COPG2: variants seen among roughly 807,000 people sequenced by gnomAD.
COPG2 encodes coatomer subunit gamma-2.
In COPG2, 37 loss-of-function variants were observed where a neutral mutation model predicts 46.3. The observed-to-expected ratio is 0.80, with a 90% CI of 0.61 to 1.05. COPG2 has a LOEUF of 1.05. Among genes scored for constraint, COPG2 ranks in the 50% least tolerant of loss-of-function variants. COPG2 has a pLI of 0.00. For missense variants in COPG2, 427 were observed against 387.8 expected (o/e 1.10, Z -0.85); for synonymous variants, 159 against 129.7 (o/e 1.23, Z -1.53).
At chr7:130,538,486 C>T (rs1259200544) in intron 20 of COPG2, among the ~76,000 whole-genome samples, 1 of 152,050 alleles carries the variant, frequency 6.6e-6, no homozygotes, top group Non-Finnish European at 1.5e-5. Context: ...TGGTATCATG[C>T]TTCTTATCAA....
intron 9 of COPG2, among the ~76,000 whole-genome samples, chr7:130,603,317 T>C (rs1231274346): frequency 6.6e-6 from 1 of 152,228 alleles, no homozygotes; most frequent in East Asian, 1.9e-4. Context: ...ATTTATGTGA[T>C]TGTATTTAAC....
intron 4 of COPG2, among the ~76,000 whole-genome samples, chr7:130,659,085 G>A (rs1795916733): frequency 6.6e-6 from 1 of 152,062 alleles, no homozygotes. Flanking sequence ...GCCGGGCGCG[G>A]TAGCTTACGC....
intron 9 of COPG2, among the ~76,000 whole-genome samples, chr7:130,608,855 AT>A (rs1794785583): frequency 6.6e-6 from 1 of 151,148 alleles, no homozygotes; most frequent in Non-Finnish European, 1.5e-5. Context: ...GCCATCTTGG[AT>A]TCATTTTGGG....
intron 5 of COPG2, among the ~76,000 whole-genome samples, chr7:130,621,717 G>A (rs141844541): frequency 8.1e-4 from 123 of 151,982 alleles, no homozygotes; most frequent in Middle Eastern, 3.4e-3. Context: ...GGCCGAAGCG[G>A]GTGAATAACA....
intron 9 of COPG2, among the ~76,000 whole-genome samples, chr7:130,578,128 TC>T (rs1225505447): frequency 1.1e-4 from 17 of 151,604 alleles, no homozygotes; most frequent in African/African-American, 3.9e-4. Flanking sequence ...GCAGTGGTTC[TC>T]CCAGCACGCA....
intron 5 of COPG2, among the ~76,000 whole-genome samples, chr7:130,637,542 C>T (rs1418103813): frequency 2.0e-5 from 3 of 152,116 alleles, no homozygotes; most frequent in African/African-American, 4.8e-5. Flanking sequence ...GTATGCTTCA[C>T]GATGTTCTCA....
chr7:130,655,361 T>C (rs1408521127), intron 4 of COPG2, among the ~76,000 whole-genome samples: 2 of 152,212 alleles, frequency 1.3e-5, no homozygotes, highest in African/African-American at 2.4e-5. Flanking sequence ...TGGTTTCCTT[T>C]TGAGAACTAT....
At chr7:130,547,546 A>G (rs1165541283) in intron 20 of COPG2, 128 bp downstream of exon 20, 10 of 397,540 alleles carry the variant, frequency 2.5e-5, no homozygotes, top group Non-Finnish European at 4.4e-5. Context: ...ACAAACACAC[A>G]CACACAAACA....
chr7:130,532,895 G>A, intron 20 of COPG2, among the ~76,000 whole-genome samples: 1 of 152,280 alleles, frequency 6.6e-6, no homozygotes, highest in South Asian at 2.1e-4. Flanking sequence ...ACATGAATTA[G>A]GCCAGTGGCA....
At chr7:130,550,046 C>CT (rs1793510332) in intron 17 of COPG2, among the ~76,000 whole-genome samples, 1 of 152,110 alleles carries the variant, frequency 6.6e-6, no homozygotes, top group African/African-American at 2.4e-5. Context: ...CATCTTACTG[C>CT]TTTTATGTAA....
chr7:130,511,548 G>T, intron 20 of COPG2: 1 of 519,948 alleles, frequency 1.9e-6, no homozygotes, highest in Non-Finnish European at 3.8e-6. Context: ...AATGGTACTG[G>T]AAAGCAACAT....
chr7:130,588,336 C>A (rs1794325922), intron 9 of COPG2, among the ~76,000 whole-genome samples: 1 of 151,798 alleles, frequency 6.6e-6, no homozygotes, highest in African/African-American at 2.4e-5. Context: ...GCTATAAAGA[C>A]ACATGCACAC....
chr7:130,639,392 G>C (rs1027015393), intron 5 of COPG2, among the ~76,000 whole-genome samples: 2 of 152,078 alleles, frequency 1.3e-5, no homozygotes, highest in African/African-American at 4.8e-5. Context: ...GGTCATTTTG[G>C]GGGTATCTAT....
intron 20 of COPG2, among the ~76,000 whole-genome samples, chr7:130,544,971 G>A (rs1465663484): frequency 6.6e-6 from 1 of 152,060 alleles, no homozygotes; most frequent in Non-Finnish European, 1.5e-5. Context: ...ATAAAGTAAA[G>A]GGGAGTAGGA....
At chr7:130,551,207 G>A in intron 16 of COPG2, 34 bp downstream of exon 16, 1 of 398,332 alleles carries the variant, frequency 2.5e-6, no homozygotes, top group South Asian at 1.3e-4. Flanking sequence ...CACCATTTGA[G>A]GAACAAAAGT....
intron 10 of COPG2, among the ~76,000 whole-genome samples, chr7:130,563,941 T>C (rs1793760976): frequency 6.6e-6 from 1 of 151,536 alleles, no homozygotes; most frequent in African/African-American, 2.4e-5. Context: ...CAAGGAAAAC[T>C]GTAAAATGTT....
chr7:130,608,184 GTGTA>G (rs782492076), intron 9 of COPG2: 8 of 450,394 alleles, frequency 1.8e-5, no homozygotes, highest in Non-Finnish European at 3.5e-5. Context: ...CCTTATCACA[GTGTA>G]TCATCAAATA....
At chr7:130,539,749 C>A (rs1330470730) in intron 20 of COPG2, among the ~76,000 whole-genome samples, 1 of 152,058 alleles carries the variant, frequency 6.6e-6, no homozygotes, top group Non-Finnish European at 1.5e-5. Flanking sequence ...GAGGGGCCCC[C>A]AGGGAAGGAT....
At chr7:130,604,390 T>C (rs1309826746) in intron 9 of COPG2, among the ~76,000 whole-genome samples, 1 of 152,220 alleles carries the variant, frequency 6.6e-6, no homozygotes, top group Non-Finnish European at 1.5e-5. Flanking sequence ...TAATTTTCTG[T>C]GTAGAGATAT....
Sources: allele counts gnomAD v4.1 joint callset (sites outside exome capture counted in the v4.1 genomes callset), GRCh38; gene constraint gnomAD v4.1.1; transcripts MANE v1.5; gene names NCBI Gene and HGNC (gene_info 2026-07-23, HGNC 2026-07-21).